ATRNL1: variants seen among roughly 807,000 people sequenced by gnomAD.
The protein encoded by ATRNL1 is attractin like 1, also known as attractin-like protein 1.
A neutral mutation model predicts 182.7 loss-of-function variants in ATRNL1; 95 were observed. The observed-to-expected ratio is 0.52, with a 90% CI of 0.44 to 0.62. ATRNL1 has a LOEUF of 0.62. Ranked by LOEUF, ATRNL1 falls within the 20% of genes least tolerant of loss-of-function variation. The probability of loss-of-function intolerance (pLI) is 0.00; values close to 1 mark genes in which losing one functional copy is unlikely to be tolerated. For synonymous variants in ATRNL1, 576 were observed against 568.3 expected (o/e 1.01, Z -0.19); for missense variants, 1,471 against 1,679.5 (o/e 0.88, Z 2.17).
chr10:115,426,473 T>C (rs1845898799), intron 21 of ATRNL1, among the ~76,000 whole-genome samples, 171 bp downstream of exon 21: 2 of 152,204 alleles, frequency 1.3e-5, no homozygotes, highest in African/African-American at 2.4e-5. Context: ...CTCTTAATTA[T>C]ATTTGGTACA....
chr10:115,652,670 C>G (rs1162323019), intron 26 of ATRNL1, among the ~76,000 whole-genome samples: 1 of 152,002 alleles, frequency 6.6e-6, no homozygotes, highest in Non-Finnish European at 1.5e-5. Flanking sequence ...GTCTCATATA[C>G]TGTAAAAGCA....
chr10:115,664,418 T>C (rs780688199), intron 26 of ATRNL1, among the ~76,000 whole-genome samples: 2 of 152,210 alleles, frequency 1.3e-5, no homozygotes, highest in Non-Finnish European at 2.9e-5. Flanking sequence ...ATATGTAGGC[T>C]TTTGATAATT....
chr10:115,825,860 T>C (rs1176278299), intron 27 of ATRNL1, among the ~76,000 whole-genome samples: 1 of 152,204 alleles, frequency 6.6e-6, no homozygotes, highest in Non-Finnish European at 1.5e-5. Flanking sequence ...TATCGTTGCA[T>C]TGTGACCTTT....
intron 15 of ATRNL1, among the ~76,000 whole-genome samples, chr10:115,296,107 G>C (rs1853172186): frequency 6.6e-6 from 1 of 152,180 alleles, no homozygotes; most frequent in African/African-American, 2.4e-5. Context: ...TTCTTCTGTA[G>C]TAAGGATTAT....
intron 26 of ATRNL1, among the ~76,000 whole-genome samples, chr10:115,621,937 A>G (rs1555023100): frequency 6.6e-6 from 1 of 152,216 alleles, no homozygotes; most frequent in African/African-American, 2.4e-5. Context: ...TAAAGTCAGC[A>G]GGAAACATCT....
At chr10:115,812,341 T>A (rs969195460) in intron 27 of ATRNL1, among the ~76,000 whole-genome samples, 11 of 152,162 alleles carry the variant, frequency 7.2e-5, no homozygotes, top group African/African-American at 2.7e-4. Flanking sequence ...CTTGTTTGGA[T>A]CTTGTTGTCC....
chr10:115,616,349 A>G (rs1418889273), intron 26 of ATRNL1, among the ~76,000 whole-genome samples: 1 of 152,184 alleles, frequency 6.6e-6, no homozygotes, highest in Non-Finnish European at 1.5e-5. Flanking sequence ...ATGACTTGAA[A>G]CTGGAAGTTA....
At chr10:115,439,389 ACT>A (rs1218340287) in intron 21 of ATRNL1, among the ~76,000 whole-genome samples, 23 of 151,776 alleles carry the variant, frequency 1.5e-4, no homozygotes, top group African/African-American at 5.6e-4. Context: ...AAACAAAGAA[ACT>A]CTCTGAACAT....
intron 20 of ATRNL1, among the ~76,000 whole-genome samples, chr10:115,425,671 C>A (rs1845850985): frequency 6.6e-6 from 1 of 151,948 alleles, no homozygotes; most frequent in Non-Finnish European, 1.5e-5. Flanking sequence ...GTTTGAGCTC[C>A]TGAATTTAAT....
At chr10:115,802,826 A>G (rs568706621) in intron 27 of ATRNL1, among the ~76,000 whole-genome samples, 2 of 152,340 alleles carry the variant, frequency 1.3e-5, no homozygotes, top group Admixed American at 1.3e-4. Context: ...ATAAATTAGT[A>G]AAACTTTTCC....
At chr10:115,195,446 A>G (rs1430134126) in intron 8 of ATRNL1, among the ~76,000 whole-genome samples, 2 of 151,988 alleles carry the variant, frequency 1.3e-5, no homozygotes, top group South Asian at 2.1e-4. Context: ...CTGGACTGCA[A>G]GTTTCCTACT....
chr10:115,427,685 A>C (rs569778599), intron 21 of ATRNL1, among the ~76,000 whole-genome samples: 1 of 152,270 alleles, frequency 6.6e-6, no homozygotes, highest in South Asian at 2.1e-4. Flanking sequence ...TGAAGACTAT[A>C]CTTTAATCAA....
chr10:115,303,221 GTTTTTTTTTT>G (rs5788103), intron 17 of ATRNL1, among the ~76,000 whole-genome samples: 1 of 107,024 alleles, frequency 9.3e-6, no homozygotes, highest in Non-Finnish European at 1.7e-5. Context: ...TGGTATGCAG[GTTTTTTTTTT>G]TTTTTTTTTT....
intron 26 of ATRNL1, among the ~76,000 whole-genome samples, chr10:115,563,063 A>G (rs1276468624): frequency 6.6e-6 from 1 of 152,174 alleles, no homozygotes; most frequent in Non-Finnish European, 1.5e-5. Flanking sequence ...TTGTGTTGCT[A>G]TGAAAGAACA....
chr10:115,878,674 G>C (rs1366110491), intron 28 of ATRNL1, among the ~76,000 whole-genome samples: 3 of 152,152 alleles, frequency 2.0e-5, no homozygotes, highest in Admixed American at 2.0e-4. Context: ...AGAAAGTCCT[G>C]CTTGACATTG....
At chr10:115,173,057 T>C (rs564414567) in intron 8 of ATRNL1, among the ~76,000 whole-genome samples, 53 of 152,012 alleles carry the variant, frequency 3.5e-4, no homozygotes, top group African/African-American at 1.2e-3. Flanking sequence ...TAGTTCTTAT[T>C]TTACTGAGAA....
At chr10:115,473,641 A>G (rs1848405909) in intron 24 of ATRNL1, among the ~76,000 whole-genome samples, 1 of 151,232 alleles carries the variant, frequency 6.6e-6, no homozygotes, top group South Asian at 2.1e-4. Flanking sequence ...AGAGTTTGAG[A>G]TGGCTTGGTG....
chr10:115,480,803 C>T (rs1481562651), intron 24 of ATRNL1, among the ~76,000 whole-genome samples: 2 of 151,024 alleles, frequency 1.3e-5, no homozygotes, highest in African/African-American at 4.8e-5. Context: ...TGGTTCTTTA[C>T]AGAAAAAGTT....
At chr10:115,841,305 A>G (rs1337056050) in intron 27 of ATRNL1, among the ~76,000 whole-genome samples, 2 of 152,260 alleles carry the variant, frequency 1.3e-5, no homozygotes, top group African/African-American at 4.8e-5. Context: ...AGTCAGTGCC[A>G]CACAATTAAA....
Sources: gnomAD v4.1 joint callset for allele counts (sites outside exome capture counted in the v4.1 genomes callset) on GRCh38, gnomAD v4.1.1 for gene constraint, MANE v1.5 for transcripts, NCBI Gene and HGNC (gene_info 2026-07-23, HGNC 2026-07-21) for gene names.